Variants in KPNA4 observed in about 807,000 individuals in gnomAD.
KPNA4 encodes importin subunit alpha-3.
Under a neutral mutation model 71.3 loss-of-function variants are expected in KPNA4, and 13 were observed. The ratio of observed to expected loss-of-function variants is 0.18; its 90% CI spans 0.12 to 0.29. The LOEUF (loss-of-function observed/expected upper bound fraction) is 0.29. Among genes scored for constraint, KPNA4 ranks in the 10% least tolerant of loss-of-function variants. The pLI is 1.00. For missense variants in KPNA4, 334 were observed against 603.2 expected, an observed-to-expected ratio of 0.55 and a Z score of 4.67; for synonymous variants, 189 against 195.2, an observed-to-expected ratio of 0.97 and a Z score of 0.26.
Position 160,509,846 on chromosome 3 carries a change from G to C in KPNA4, c.1163C>G (p.Ala388Gly). 1 of 1,612,728 alleles carries C rather than the reference G, an allele frequency of 6.2e-7. No individual in the cohort carries two copies. Among genetic ancestry groups the C allele is most frequent in the Non-Finnish European group, 8.5e-7 (1 of 1,179,108 alleles). Residue 388 changes from alanine (A) to glycine (G), a missense_variant, in exon 14 of 17, where the codon GCT (alanine) becomes GGT (glycine). Transcript: ENST00000334256. ...TGTTAAGTTACTTATGGCCCAAGCAGCTTCTTTTTGAGTGCCAAAATCCCC... is the reference window on the plus strand; with the variant it reads ...TGTTAAGTTACTTATGGCCCAAGCACCTTCTTTTTGAGTGCCAAAATCCCC... The part of the protein sequence containing the change: ...DKGDFGTQKE[A>G]AWAISNLTIS...
Position 160,535,699 on chromosome 3 carries a change from AAAGTT to A in KPNA4, c.205-14_205-10del. The A allele has an allele frequency of 6.4e-7, 1 of 1,573,902 alleles. No individual in the cohort carries two copies. Among genetic ancestry groups the A allele is most frequent in the Non-Finnish European group, 8.5e-7 (1 of 1,169,966 alleles). ...TCTAGAGAGGTATTTTGCTGGGAAA[AAAGTT>A]AAAGAGAAAACTCAGTTAAAAAGTC... On this transcript the variant is annotated splice_polypyrimidine_tract_variant and intron_variant, in intron 3 of 16. Coordinates refer to ENST00000334256, the MANE Select transcript of KPNA4 (RefSeq NM_002268.5).
chr3:160,536,742 G>A, intron 2 of KPNA4, 54 bp downstream of exon 2: 1 of 1,012,542 alleles, frequency 9.9e-7, no homozygotes, highest in Non-Finnish European at 1.5e-6. Context: ...TGTATATAAT[G>A]CTATAATGTT....
At chr3:160,554,012 T>C (rs1722089400) in intron 1 of KPNA4, among the ~76,000 whole-genome samples, 1 of 152,216 alleles carries the variant, frequency 6.6e-6, no homozygotes, top group Admixed American at 6.5e-5. Context: ...GCCTGCATTA[T>C]GTAGAACCTC....
At chr3:160,530,991 C>T (rs1180759059) in intron 6 of KPNA4, 51 bp from the exon 7 acceptor site, 1 of 1,206,516 alleles carries the variant, frequency 8.3e-7, no homozygotes, top group East Asian at 2.4e-5. Context: ...TACATTGGGC[C>T]AAATATCTAA....
intron 1 of KPNA4, among the ~76,000 whole-genome samples, chr3:160,550,918 GTTGA>G (rs1722028210): frequency 6.6e-6 from 1 of 152,170 alleles, no homozygotes; most frequent in Non-Finnish European, 1.5e-5. Context: ...CCAGTATTCT[GTTGA>G]GGATTTTTGC....
At chr3:160,521,996 T>C in intron 10 of KPNA4, 86 bp from the exon 11 acceptor site, 2 of 1,103,872 alleles carry the variant, frequency 1.8e-6, no homozygotes, top group Non-Finnish European at 2.6e-6. Flanking sequence ...CTAAAATTGT[T>C]CAACTACCTT....
chr3:160,538,227 G>GT (rs1359650918), intron 1 of KPNA4, among the ~76,000 whole-genome samples: 1 of 151,142 alleles, frequency 6.6e-6, no homozygotes, highest in East Asian at 1.9e-4. Flanking sequence ...ATACATAAAT[G>GT]TAAAAAAAAG....
chr3:160,541,161 T>C (rs1319473132), intron 1 of KPNA4, among the ~76,000 whole-genome samples: 1 of 152,220 alleles, frequency 6.6e-6, no homozygotes, highest in Admixed American at 6.5e-5. Flanking sequence ...GGCTACTTGA[T>C]TCCTGCTAAT....
At position 160,520,418 on chromosome 3, in the gene KPNA4, A is replaced by ATT. The variant is rs59839490; in HGVS notation, c.903+1359_903+1360dup. Among the ~76,000 whole-genome samples, 44 of 137,364 alleles carry ATT rather than the reference A, an allele frequency of 3.2e-4. No individual in the cohort carries two copies. The South Asian group carries it at 7.0e-3, about 22-fold the overall frequency. The allele number at this position is 137,364 out of a possible 152,430, so 90.1% of individuals were successfully genotyped here. A position where few individuals can be genotyped will look rare whatever the true frequency, so the allele number is the denominator to read the frequency against. ...AGGCACATGCCACCATGCCTGGCTAATTTTTTTTTTTTTTTTTGTATTTTA... is the reference window on the plus strand; with the variant it reads ...AGGCACATGCCACCATGCCTGGCTAATTTTTTTTTTTTTTTTTTTGTATTTTA... On this transcript the variant is annotated intron_variant, in intron 11 of 16. Coordinates refer to ENST00000334256, the MANE Select transcript of KPNA4 (RefSeq NM_002268.5).
At chr3:160,561,604 A>G (rs796945401) in intron 1 of KPNA4, among the ~76,000 whole-genome samples, 4 of 152,236 alleles carry the variant, frequency 2.6e-5, no homozygotes, top group African/African-American at 7.2e-5. Flanking sequence ...GTAGGAACAA[A>G]TATCAGATTG....
In KPNA4 at chr3:160,509,082, T is replaced by C. The variant is rs896408830; in HGVS notation, c.1209+718A>G. Among the ~76,000 whole-genome samples, 15 of 152,316 alleles carry C rather than the reference T, an allele frequency of 9.8e-5. No individual in the cohort carries two copies. In the East Asian group the frequency reaches 2.9e-3, roughly 29 times the overall value. ...TTGCTATTCAGCTCTAAATTTGTTC[T>C]TTTTACCTACTCTGTGAAACAGATC... On this transcript the variant is annotated intron_variant, in intron 14 of 16. Coordinates refer to ENST00000334256, the MANE Select transcript of KPNA4 (RefSeq NM_002268.5).
intron 1 of KPNA4, among the ~76,000 whole-genome samples, chr3:160,541,020 G>A (rs1721787176): frequency 6.6e-6 from 1 of 152,212 alleles, no homozygotes; most frequent in African/African-American, 2.4e-5. Context: ...TGCAGTTTGT[G>A]TATTTAATGA....
Position 160,565,430 on chromosome 3 carries a change from G to T in KPNA4, c.-148C>A. On this transcript the variant is annotated 5_prime_UTR_variant, in exon 1 of 17. Transcript: ENST00000334256. The stretch of plus-strand genomic sequence containing the variant: ...TTCCTTCCTCCTCTCACCTGCCTCC[G>T]CCGCGGCCTTCTCCTCTCCCCGCCC... The T allele has an allele frequency of 1.6e-6, 1 of 641,234 alleles. No homozygotes were observed. Among genetic ancestry groups the T allele is most frequent in the Non-Finnish European group, 2.7e-6 (1 of 371,276 alleles). 39.7% of individuals were successfully genotyped at this position (641,234 alleles called of 1,614,324 possible).
At chr3:160,523,482 G>A (rs564834311) in intron 10 of KPNA4, among the ~76,000 whole-genome samples, 123 of 152,218 alleles carry the variant, frequency 8.1e-4, no homozygotes, top group African/African-American at 2.9e-3. Context: ...TGAAAATAAT[G>A]CTTTGCCATT....
intron 8 of KPNA4, among the ~76,000 whole-genome samples, 174 bp from the exon 9 acceptor site, chr3:160,526,281 A>G (rs904637279): frequency 6.6e-6 from 1 of 152,230 alleles, no homozygotes; most frequent in South Asian, 2.1e-4. Flanking sequence ...GAGAGGCAAC[A>G]TAAAGTGATA....
Position 160,521,822 on chromosome 3 carries a change from G to A in KPNA4, c.860C>T (p.Pro287Leu). The A allele has an allele frequency of 6.2e-7, 1 of 1,612,666 alleles. No homozygotes were observed. Residue 287 changes from proline (P) to leucine (L), a missense_variant, in exon 11 of 17, where the codon CCT becomes CTT. Coordinates refer to ENST00000334256, the MANE Select transcript of KPNA4 (RefSeq NM_002268.5). The stretch of plus-strand genomic sequence containing the variant: ...GTGGCTGAGCAGAGGAACCAAATGA[G>A]GAACTATTCCAGAGTCTATTACCAT... ...IQMVIDSGIVPHLVPLLSHQE... is the reference protein window; with the variant it reads ...IQMVIDSGIVLHLVPLLSHQE...
At chr3:160,509,157 T>G (rs999893422) in intron 14 of KPNA4, among the ~76,000 whole-genome samples, 2 of 152,170 alleles carry the variant, frequency 1.3e-5, no homozygotes, top group African/African-American at 4.8e-5. Context: ...AATGTTAAGC[T>G]TTGTCACCCG....
chr3:160,549,491 G>A (rs1372202357), intron 1 of KPNA4, among the ~76,000 whole-genome samples: 2 of 152,124 alleles, frequency 1.3e-5, no homozygotes, highest in African/African-American at 4.8e-5. Flanking sequence ...TTTGCATGGT[G>A]GATATCAAGT....
rs1270998031 is a variant in KPNA4 at position 160,501,737 on chromosome 3, T to C, written c.*367A>G. ...TGCTTACAAGGCTTGAAGATGACGGTACTGCACTTTCCCCTCAATTGATAT... is the reference window on the plus strand; with the variant it reads ...TGCTTACAAGGCTTGAAGATGACGGCACTGCACTTTCCCCTCAATTGATAT... On this transcript the variant is annotated 3_prime_UTR_variant, in exon 17 of 17. Transcript: ENST00000334256. The C allele has an allele frequency of 1.3e-5, 2 of 152,780 alleles. No homozygotes were observed. Among genetic ancestry groups the C allele is most frequent in the African/African-American group, 4.8e-5 (2 of 41,448 alleles). 9.5% of individuals were successfully genotyped at this position (152,780 alleles called of 1,614,324 possible).
Sources: gnomAD v4.1 joint callset for allele counts (sites outside exome capture counted in the v4.1 genomes callset) on GRCh38, gnomAD v4.1.1 for gene constraint, MANE v1.5 for transcripts, NCBI Gene and HGNC (gene_info 2026-07-23, HGNC 2026-07-21) for gene names.